Variants in MAPRE1 observed in about 807,000 individuals in gnomAD.
MAPRE1 encodes microtubule associated protein RP/EB family member 1, also known as microtubule-associated protein RP/EB family member 1.
A neutral mutation model predicts 32.1 loss-of-function variants in MAPRE1; 5 were observed. That is an observed-to-expected ratio of 0.16 (90% CI 0.08 to 0.33). The LOEUF is 0.33. MAPRE1 is among the 10% of genes least tolerant of loss of function. The pLI is 1.00. For synonymous variants in MAPRE1, 122 were observed against 118.9 expected (o/e 1.03, Z -0.17); for missense variants, 209 against 327.2 (o/e 0.64, Z 2.79).
intron 2 of MAPRE1, among the ~76,000 whole-genome samples, chr20:32,830,437 C>G (rs1294696052): frequency 2.6e-5 from 4 of 152,214 alleles, no homozygotes; most frequent in African/African-American, 9.7e-5. Flanking sequence ...TCTCCTCAGG[C>G]TAGCTCCCTT....
chr20:32,826,191 C>A, intron 2 of MAPRE1, 143 bp downstream of exon 2: 1 of 615,756 alleles, frequency 1.6e-6, no homozygotes, highest in Non-Finnish European at 2.6e-6. Context: ...TCAGCCCTGC[C>A]TTTGCTTCTG....
At chr20:32,832,251 C>T (rs1458134608) in intron 2 of MAPRE1, among the ~76,000 whole-genome samples, 1 of 152,172 alleles carries the variant, frequency 6.6e-6, no homozygotes, top group Non-Finnish European at 1.5e-5. Context: ...TTTAGCTTCC[C>T]AAGCTTGTTC....
chr20:32,832,807 C>CTTT lies in MAPRE1; in HGVS notation c.122-888_122-886dup, dbSNP rs35277682. The stretch of plus-strand genomic sequence containing the variant: ...TATTTATTTTTGAGCCAGAGTTTCG[C>CTTT]TTTTTTTTTTTTTTTTTTTTTTTTG... On this transcript the variant is annotated intron_variant, in intron 2 of 6. Transcript: ENST00000375571. Among the ~76,000 whole-genome samples the CTTT allele has an allele frequency of 4.4e-3, 256 of 58,786 alleles. 5 individuals are homozygous for CTTT. The highest frequency in any genetic ancestry group is 6.9e-3 in the African/African-American group (90 of 12,992). The allele number at this position is 58,786 out of a possible 152,430, so 38.6% of individuals were successfully genotyped here. A position where few individuals can be genotyped will look rare whatever the true frequency, so the allele number is the denominator to read the frequency against.
At chr20:32,829,215 A>G (rs1382234883) in intron 2 of MAPRE1, among the ~76,000 whole-genome samples, 2 of 152,136 alleles carry the variant, frequency 1.3e-5, no homozygotes, top group African/African-American at 4.8e-5. Context: ...CCTGGGTGGT[A>G]TGTCAGTTTT....
chr20:32,826,519 CTTTTTTTTTT>C (rs71338460), intron 2 of MAPRE1, among the ~76,000 whole-genome samples: 1 of 46,558 alleles, frequency 2.1e-5, no homozygotes, highest in Admixed American at 3.7e-4. Flanking sequence ...CACGCCCGGC[CTTTTTTTTTT>C]TTTTTTTTTT....
At chr20:32,838,554 C>T (rs1983264289) in intron 4 of MAPRE1, among the ~76,000 whole-genome samples, 1 of 152,178 alleles carries the variant, frequency 6.6e-6, no homozygotes, top group Non-Finnish European at 1.5e-5. Context: ...CATGTGTTAA[C>T]TCTGTATTTA....
intron 1 of MAPRE1, among the ~76,000 whole-genome samples, chr20:32,823,421 T>A (rs151244379): frequency 6.6e-6 from 1 of 152,148 alleles, no homozygotes; most frequent in Non-Finnish European, 1.5e-5. Flanking sequence ...ATGAAGAAAA[T>A]TGTTAAGTGT....
intron 5 of MAPRE1, among the ~76,000 whole-genome samples, chr20:32,845,330 G>A (rs987393106): frequency 7.2e-5 from 11 of 152,092 alleles, no homozygotes; most frequent in Admixed American, 3.3e-4. Flanking sequence ...TGTGAGCCAC[G>A]GCAGCTGGCC....
At chr20:32,838,445 G>A (rs559845231) in intron 4 of MAPRE1, among the ~76,000 whole-genome samples, 1 of 152,264 alleles carries the variant, frequency 6.6e-6, no homozygotes, top group East Asian at 1.9e-4. Flanking sequence ...TGCTGTGAAC[G>A]TTCATATACG....
chr20:32,839,465 G>A (rs61484239), intron 4 of MAPRE1, among the ~76,000 whole-genome samples: 5,219 of 152,274 alleles, frequency 0.034, 282 homozygotes, highest in African/African-American at 0.12. Flanking sequence ...CCTGTTCACC[G>A]CAGTGGAGAA....
At chr20:32,820,194 G>T (rs1259061217) in intron 1 of MAPRE1, among the ~76,000 whole-genome samples, 166 bp downstream of exon 1, 2 of 151,596 alleles carry the variant, frequency 1.3e-5, no homozygotes, top group Non-Finnish European at 3.0e-5. Flanking sequence ...GCGCGCGCGG[G>T]CTGGGCCTGG....
intron 6 of MAPRE1, among the ~76,000 whole-genome samples, chr20:32,847,799 T>C (rs1983544021): frequency 6.6e-6 from 1 of 152,200 alleles, no homozygotes; most frequent in South Asian, 2.1e-4. Flanking sequence ...TCTGAGTCCA[T>C]GCCAGAATGC....
chr20:32,842,505 T>G (rs1227132836), intron 5 of MAPRE1, among the ~76,000 whole-genome samples: 1 of 152,246 alleles, frequency 6.6e-6, no homozygotes, highest in Non-Finnish European at 1.5e-5. Flanking sequence ...TTAAATAACT[T>G]GAGCTAGGAT....
intron 2 of MAPRE1, among the ~76,000 whole-genome samples, chr20:32,831,943 G>A (rs1216383241): frequency 6.7e-5 from 7 of 104,238 alleles, no homozygotes; most frequent in Admixed American, 9.5e-5. Flanking sequence ...AAGTTCGTCC[G>A]TTTCAAAAAA....
At chr20:32,830,460 C>G (rs1982984582) in intron 2 of MAPRE1, among the ~76,000 whole-genome samples, 1 of 152,168 alleles carries the variant, frequency 6.6e-6, no homozygotes, top group Non-Finnish European at 1.5e-5. Flanking sequence ...CCAGGTACTC[C>G]ATTTGGGGCC....
Position 32,846,790 on chromosome 20 carries a change from A to T in MAPRE1, c.750+20A>T. On this transcript the variant is annotated intron_variant, in intron 6 of 6. Coordinates refer to ENST00000375571, the MANE Select transcript of MAPRE1 (RefSeq NM_012325.3). ...ACAGATGTATGTGTTTGACATGAGGATATTTTCTTTCCATTTTACATAGAA... is the reference window on the plus strand; with the variant it reads ...ACAGATGTATGTGTTTGACATGAGGTTATTTTCTTTCCATTTTACATAGAA... The T allele has an allele frequency of 6.2e-7, 1 of 1,612,670 alleles. No homozygotes were observed. Among genetic ancestry groups the T allele is most frequent in the Non-Finnish European group, 8.5e-7 (1 of 1,178,844 alleles).
intron 4 of MAPRE1, 93 bp downstream of exon 4, chr20:32,836,934 A>G (rs979550767): frequency 9.2e-7 from 1 of 1,085,768 alleles, no homozygotes; most frequent in African/African-American, 1.6e-5. Flanking sequence ...CCATAGGCTT[A>G]GGGATCTTAA....
At chr20:32,825,093 A>G (rs1982803801) in intron 1 of MAPRE1, among the ~76,000 whole-genome samples, 1 of 151,132 alleles carries the variant, frequency 6.6e-6, no homozygotes, top group Non-Finnish European at 1.5e-5. Context: ...CGGAGGTTGC[A>G]GTGAGTTGAG....
At chr20:32,837,070 A>C (rs1271910927) in intron 4 of MAPRE1, among the ~76,000 whole-genome samples, 1 of 152,212 alleles carries the variant, frequency 6.6e-6, no homozygotes, top group Non-Finnish European at 1.5e-5. Flanking sequence ...TTCCTCCTCT[A>C]TAAAATGGGA....
Sources: gnomAD v4.1 joint callset for allele counts (sites outside exome capture counted in the v4.1 genomes callset) on GRCh38, gnomAD v4.1.1 for gene constraint, MANE v1.5 for transcripts, NCBI Gene and HGNC (gene_info 2026-07-23, HGNC 2026-07-21) for gene names.